The following MTA1 variants were observed in gnomAD, a reference collection of about 807,000 sequenced individuals.
MTA1 encodes metastasis associated 1.
In MTA1, 15 loss-of-function variants were observed where a neutral mutation model predicts 97.0. The ratio of observed to expected loss-of-function variants is 0.15; its 90% CI spans 0.10 to 0.24. The LOEUF (loss-of-function observed/expected upper bound fraction) is 0.24. Among genes scored for constraint, MTA1 ranks in the 10% least tolerant of loss-of-function variants. MTA1 has a pLI of 1.00. For missense variants in MTA1, 709 were observed against 1,015.1 expected, an observed-to-expected ratio of 0.70 and a Z score of 4.10; for synonymous variants, 435 against 417.5, an observed-to-expected ratio of 1.04 and a Z score of -0.51.
At chr14:105,425,085 G>A (rs1027198653) in intron 1 of MTA1, among the ~76,000 whole-genome samples, 4 of 152,194 alleles carry the variant, frequency 2.6e-5, no homozygotes, top group Non-Finnish European at 5.9e-5. Flanking sequence ...CCAGGTACCC[G>A]GGAGGCGGCT....
At position 105,422,276 on chromosome 14, in the gene MTA1, G is replaced by T. The variant is rs1328841588; in HGVS notation, c.28+2213G>T. Among the ~76,000 whole-genome samples the T allele has an allele frequency of 6.6e-6, 1 of 152,152 alleles. No homozygotes were observed. Among genetic ancestry groups the T allele is most frequent in the Admixed American group, 6.5e-5 (1 of 15,274 alleles). ...GGCAGGACCCCGGCAGAGCCCTGTG[G>T]TCGCAGTGGGCTGGGCATTGCAGGT... is the stretch of plus-strand genomic sequence containing the variant. On this transcript the variant is annotated intron_variant, in intron 1 of 20. Coordinates refer to ENST00000331320, the MANE Select transcript of MTA1 (RefSeq NM_004689.4). The surrounding 1 kb of genome is among the most constrained non-coding windows in gnomAD (Gnocchi z 4.3).
intron 2 of MTA1, among the ~76,000 whole-genome samples, chr14:105,443,037 T>C (rs2082595934): frequency 6.6e-6 from 1 of 152,204 alleles, no homozygotes; most frequent in Non-Finnish European, 1.5e-5. Context: ...GGTTCATGGC[T>C]CGCTGAGACA....
At position 105,449,399 on chromosome 14, in the gene MTA1, C is replaced by T. The variant is rs782123630; in HGVS notation, c.231C>T (p.Asn77=). Reference sequence around the variant, plus strand: ...ATAAGGCCGGACCGGGGGCGGACAACGGCGAGGAAGGTAAGAGCCGGCCTC... The same window carrying T: ...ATAAGGCCGGACCGGGGGCGGACAATGGCGAGGAAGGTAAGAGCCGGCCTC... ...VCYKAGPGAD[N]GEEGEIEEEM... is the part of the protein sequence containing the mutation. The change falls in exon 4 of 21, where the codon AAC becomes AAT. Residue 77 remains asparagine, a synonymous_variant. Coordinates refer to ENST00000331320, the MANE Select transcript of MTA1 (RefSeq NM_004689.4). 13 of 1,611,758 alleles carry T rather than the reference C, an allele frequency of 8.1e-6. No homozygotes were observed. Among genetic ancestry groups the T allele is most frequent in the Admixed American group, 1.7e-5 (1 of 59,908 alleles).
intron 3 of MTA1, among the ~76,000 whole-genome samples, chr14:105,447,336 A>G (rs1248671803): frequency 1.3e-5 from 2 of 152,160 alleles, no homozygotes; most frequent in Non-Finnish European, 2.9e-5. Flanking sequence ...TGGCTGGCCC[A>G]GGGTGGATCC....
At chr14:105,439,131 C>G in intron 2 of MTA1, among the ~76,000 whole-genome samples, 1 of 151,484 alleles carries the variant, frequency 6.6e-6, no homozygotes, top group African/African-American at 2.4e-5. Context: ...TGGCAGCCAG[C>G]CCTGCAGGGC....
chr14:105,436,204 G>A (rs1387874595), intron 1 of MTA1, among the ~76,000 whole-genome samples: 4 of 152,180 alleles, frequency 2.6e-5, no homozygotes, highest in Non-Finnish European at 5.9e-5. Flanking sequence ...GGGAGGCGGA[G>A]GTTGCAGTGA....
rs1031118185 is a variant in MTA1, at chr14:105,463,957, G to A, written c.1077-75G>A. 92 of 1,432,186 alleles carry A rather than the reference G, an allele frequency of 6.4e-5. No individual in the cohort carries two copies. The highest frequency in any genetic ancestry group is 9.1e-5 in the East Asian group (4 of 43,762). 88.7% of individuals were successfully genotyped at this position (1,432,186 alleles called of 1,614,324 possible). A position where few individuals can be genotyped will look rare whatever the true frequency, so the allele number is the denominator to read the frequency against. ...TTCTGGACAAGGGGTGGTCAGCCGC[G>A]GTGCCTGCTGGGCACATGGGCCCTC... On this transcript the variant is annotated intron_variant, in intron 12 of 20. Transcript: ENST00000331320. This position sits in a 1 kb window ranked among gnomAD's most constrained non-coding sequence, Gnocchi z 5.9.
At chr14:105,457,729 C>T (rs782183364) in intron 7 of MTA1, among the ~76,000 whole-genome samples, 2 of 152,218 alleles carry the variant, frequency 1.3e-5, no homozygotes, top group African/African-American at 2.4e-5. Flanking sequence ...AGTTCGAGAC[C>T]AGCCTGGGCA....
intron 1 of MTA1, among the ~76,000 whole-genome samples, chr14:105,438,192 G>A (rs1233313312): frequency 2.0e-5 from 3 of 152,184 alleles, no homozygotes; most frequent in Non-Finnish European, 4.4e-5. Context: ...GATGGGGGCC[G>A]CTGTGGGCAG....
intron 4 of MTA1, 94 bp downstream of exon 4, chr14:105,449,503 G>A (rs1475034976): frequency 3.8e-5 from 52 of 1,356,474 alleles, no homozygotes; most frequent in East Asian, 4.9e-5. Flanking sequence ...TGGGCGGGCC[G>A]CCTGCATGCC....
At chr14:105,441,839 CA>C (rs1555425828) in intron 2 of MTA1, among the ~76,000 whole-genome samples, 3 of 152,066 alleles carry the variant, frequency 2.0e-5, no homozygotes, top group African/African-American at 7.3e-5. Context: ...AGGGCCAGTG[CA>C]GGGAACAGAA....
chr14:105,469,796 A>T (rs1256703536), intron 19 of MTA1, 45 bp from the exon 20 acceptor site: 27 of 1,528,150 alleles, frequency 1.8e-5, no homozygotes, highest in Non-Finnish European at 2.1e-5. Flanking sequence ...GTTGAGGTGG[A>T]GCTGGCCCTT....
chr14:105,441,268 G>A (rs1021439906), intron 2 of MTA1, among the ~76,000 whole-genome samples: 24 of 151,260 alleles, frequency 1.6e-4, no homozygotes, highest in Non-Finnish European at 5.9e-5. Flanking sequence ...GGGCCCCCCC[G>A]CCCCTCTTGC....
At chr14:105,441,801 T>TA (rs1235840688) in intron 2 of MTA1, among the ~76,000 whole-genome samples, 5 of 150,958 alleles carry the variant, frequency 3.3e-5, no homozygotes, top group Non-Finnish European at 4.4e-5. Flanking sequence ...CTCAAAAAAA[T>TA]AAAAAAGTAA....
intron 6 of MTA1, among the ~76,000 whole-genome samples, chr14:105,451,049 G>C (rs587748324): frequency 6.6e-6 from 1 of 152,124 alleles, no homozygotes; most frequent in African/African-American, 2.4e-5. Flanking sequence ...GGCCTCCCAC[G>C]GGCTCTGCTG....
intron 4 of MTA1, among the ~76,000 whole-genome samples, chr14:105,449,635 C>T (rs1721007922): frequency 6.6e-6 from 1 of 152,188 alleles, no homozygotes; most frequent in Non-Finnish European, 1.5e-5. Context: ...CTGTGGTGGG[C>T]TGTATGGGGC....
chr14:105,468,643 T>A (rs2083697581), intron 18 of MTA1, among the ~76,000 whole-genome samples: 1 of 152,180 alleles, frequency 6.6e-6, no homozygotes, highest in Non-Finnish European at 1.5e-5. Context: ...GCAGCGTTTC[T>A]GGAGCTGGCA....
chr14:105,469,748 T>C, intron 19 of MTA1, 93 bp from the exon 20 acceptor site: 1 of 1,419,326 alleles, frequency 7.0e-7, no homozygotes, highest in Non-Finnish European at 9.3e-7. Flanking sequence ...TGGTGGGGGG[T>C]TGGCCAGGCA....
chr14:105,468,799 G>C (rs1417495261), intron 18 of MTA1, among the ~76,000 whole-genome samples: 2 of 152,218 alleles, frequency 1.3e-5, no homozygotes, highest in Admixed American at 1.3e-4. Flanking sequence ...GGGCAGTGGG[G>C]AAGGGCAGTG....
Sources: allele counts gnomAD v4.1 joint callset (sites outside exome capture counted in the v4.1 genomes callset), GRCh38; gene constraint gnomAD v4.1.1; non-coding constraint Gnocchi (gnomAD v3.1); transcripts MANE v1.5; gene names NCBI Gene and HGNC (gene_info 2026-07-23, HGNC 2026-07-21).